RIN2: variants seen among roughly 807,000 people sequenced by gnomAD.
RIN2 encodes Ras and Rab interactor 2.
Under a neutral mutation model 78.0 loss-of-function variants are expected in RIN2, and 36 were observed. The ratio of observed to expected loss-of-function variants is 0.46; its 90% confidence interval spans 0.35 to 0.61. RIN2 has a LOEUF of 0.61. RIN2 is among the 20% of genes least tolerant of loss of function. RIN2 has a pLI of 0.00. For synonymous variants in RIN2, 466 were observed against 466.8 expected (o/e 1.00, Z 0.02); for missense variants, 1,087 against 1,159.7 (o/e 0.94, Z 0.91).
At chr20:19,916,544 G>A (rs1391033538) in intron 3 of RIN2, among the ~76,000 whole-genome samples, 21 of 152,292 alleles carry the variant, frequency 1.4e-4, no homozygotes, top group Middle Eastern at 3.4e-3. Context: ...GCTTTAGCCT[G>A]GGAGCTCAAG....
At chr20:19,774,957 A>C (rs1179368460) in intron 1 of RIN2, among the ~76,000 whole-genome samples, 2 of 152,206 alleles carry the variant, frequency 1.3e-5, no homozygotes, top group Non-Finnish European at 2.9e-5. Flanking sequence ...AGGAGAGCAG[A>C]AGAGTCAAGG....
intron 2 of RIN2, among the ~76,000 whole-genome samples, chr20:19,872,751 TA>T (rs1329352259): frequency 6.6e-6 from 1 of 152,172 alleles, no homozygotes; most frequent in East Asian, 1.9e-4. Context: ...GAAAACTTTT[TA>T]AAAACTACAT....
intron 9 of RIN2, among the ~76,000 whole-genome samples, chr20:19,978,727 C>T (rs1007889951): frequency 1.3e-5 from 2 of 152,198 alleles, no homozygotes; most frequent in Non-Finnish European, 2.9e-5. Flanking sequence ...GACACGGGCT[C>T]GTTCCTGTGT....
In RIN2 at chr20:19,975,319, A is replaced by C; in HGVS notation, c.1294A>C (p.Met432Leu). The change falls in exon 9 of 13, where the codon ATG (methionine) becomes CTG (leucine). Residue 432 changes from methionine to leucine, a missense_variant. Met to Leu is a conservative substitution (Grantham distance 15, BLOSUM62 2). Coordinates refer to ENST00000255006, the MANE Select transcript of RIN2 (RefSeq NM_018993.4). This position sits in a 1 kb window ranked among gnomAD's most constrained non-coding sequence, Gnocchi z 4.9. ...TGGAGGCCGGCAGCGGCTGAGCGAC[A>C]TGAGCATTTCTACTTCCTCCTCCGA... ...CHGGRQRLSD[M>L]SISTSSSDSL... 6.2e-7 allele frequency: 1 copy of C among 1,610,166 alleles called. No individual in the cohort carries two copies. Among genetic ancestry groups the C allele is most frequent in the Non-Finnish European group, 8.5e-7 (1 of 1,178,336 alleles).
chr20:19,811,258 T>C (rs1568773769), intron 2 of RIN2, among the ~76,000 whole-genome samples: 1 of 151,986 alleles, frequency 6.6e-6, no homozygotes, highest in Admixed American at 6.6e-5. Context: ...GATGCCACCA[T>C]TGGCAACGGG....
intron 2 of RIN2, among the ~76,000 whole-genome samples, chr20:19,812,455 CA>C (rs575737029): frequency 2.0e-5 from 3 of 152,190 alleles, no homozygotes; most frequent in Non-Finnish European, 4.4e-5. Context: ...CCTTTCCCTA[CA>C]GACTAATGAT....
chr20:19,938,331 G>T (rs184766548), intron 4 of RIN2, among the ~76,000 whole-genome samples: 1 of 151,936 alleles, frequency 6.6e-6, no homozygotes, highest in Admixed American at 6.6e-5. Flanking sequence ...TGATCTTCCC[G>T]CCTCAGCCTC....
intron 11 of RIN2, 59 bp from the exon 12 acceptor site, chr20:19,996,620 G>T: frequency 6.4e-7 from 1 of 1,564,694 alleles, no homozygotes; most frequent in Non-Finnish European, 8.8e-7. Flanking sequence ...GGCATCCCCT[G>T]TTATCACCCG....
At chr20:19,973,127 G>T (rs1461501765) in intron 8 of RIN2, among the ~76,000 whole-genome samples, 1 of 152,114 alleles carries the variant, frequency 6.6e-6, no homozygotes, top group East Asian at 1.9e-4. Flanking sequence ...CAGTTAAAAA[G>T]GTAGATTCTC....
intron 2 of RIN2, among the ~76,000 whole-genome samples, chr20:19,861,749 T>A (rs1372333931): frequency 6.6e-6 from 1 of 151,640 alleles, no homozygotes; most frequent in Non-Finnish European, 1.5e-5. Flanking sequence ...CCATATCCGA[T>A]GATCACCCTC....
chr20:19,788,334 C>T (rs1271206002), intron 1 of RIN2, among the ~76,000 whole-genome samples: 1 of 151,296 alleles, frequency 6.6e-6, no homozygotes, highest in Non-Finnish European at 1.5e-5. Flanking sequence ...TTGCCTCATG[C>T]CTGTAATCCC....
Position 19,964,978 on chromosome 20 carries a change from A to G in RIN2, c.490A>G (p.Ser164Gly). 6.2e-7 allele frequency: 1 copy of G among 1,613,648 alleles called. No individual in the cohort carries two copies. Among genetic ancestry groups the G allele is most frequent in the Non-Finnish European group, 8.5e-7 (1 of 1,179,790 alleles). ...YTFSLEGSGI[S>G]FADLFRLIAF... The stretch of plus-strand genomic sequence containing the variant: ...CTTTTCCCTGGAAGGCTCAGGAATC[A>G]GTTTCGCAGATTTATTCCGGCTCAT... Residue 164 changes from serine to glycine, a missense_variant, in exon 7 of 13, where the codon AGT becomes GGT. This residue lies in a region of RIN2 where 706 missense variants were observed against 667.5 expected (regional missense o/e 1.06). Transcript: ENST00000255006.
At chr20:19,785,059 C>G (rs887503199) in intron 1 of RIN2, among the ~76,000 whole-genome samples, 1 of 152,182 alleles carries the variant, frequency 6.6e-6, no homozygotes, top group African/African-American at 2.4e-5. Context: ...ACACTTCACT[C>G]TATCAACGGT....
At chr20:19,954,716 TCCCTCACCCCTGTGC>T (rs869170487) in intron 4 of RIN2, among the ~76,000 whole-genome samples, 2 of 94,548 alleles carry the variant, frequency 2.1e-5, no homozygotes, top group African/African-American at 8.6e-5. Flanking sequence ...CACCCCTGTG[TCCCTCACCCCTGTGC>T]CCCTCACCCC....
chr20:19,799,300 G>A (rs1178917299), intron 1 of RIN2, among the ~76,000 whole-genome samples: 1 of 152,204 alleles, frequency 6.6e-6, no homozygotes, highest in East Asian at 1.9e-4. Context: ...CAAGGGATAA[G>A]GGAAGGAAAT....
chr20:19,830,638 C>T (rs2036224456), intron 2 of RIN2, among the ~76,000 whole-genome samples: 1 of 152,234 alleles, frequency 6.6e-6, no homozygotes, highest in East Asian at 1.9e-4. Context: ...GAACAACTGC[C>T]ACATGATGTG....
chr20:19,985,957 T>C (rs941067802), intron 9 of RIN2, among the ~76,000 whole-genome samples: 6 of 152,234 alleles, frequency 3.9e-5, no homozygotes, highest in African/African-American at 1.4e-4. Context: ...TAGGCCTCCC[T>C]GGATGGAGTT....
chr20:19,974,954 G>GC lies in RIN2; in HGVS notation c.929_930insC (p.Arg310SerfsTer8). ...GAGCGGACTCGGTCCCCCCCACCCA[G>GC]GCCCCCGCCACCCGCTATTAATAGT... On this transcript the variant is annotated frameshift_variant, in exon 9 of 13. Coordinates refer to ENST00000255006, the MANE Select transcript of RIN2 (RefSeq NM_018993.4). LOFTEE classifies it high-confidence loss of function. The GC allele has an allele frequency of 1.3e-6, 1 of 791,888 alleles. No homozygotes were observed. The allele number at this position is 791,888 out of a possible 1,614,324, so 49.1% of individuals were successfully genotyped here. A position where few individuals can be genotyped will look rare whatever the true frequency, so the allele number is the denominator to read the frequency against.
intron 2 of RIN2, among the ~76,000 whole-genome samples, chr20:19,807,332 A>C (rs34201271): frequency 0.11 from 16,484 of 152,176 alleles, 969 homozygotes; most frequent in South Asian, 0.19. Context: ...CCTCTATCTT[A>C]TGCCAAATTG....
Sources: allele counts gnomAD v4.1 joint callset (sites outside exome capture counted in the v4.1 genomes callset), GRCh38; gene constraint gnomAD v4.1.1; regional missense constraint gnomAD v4.1.1; non-coding constraint Gnocchi (gnomAD v3.1); transcripts MANE v1.5; gene names NCBI Gene and HGNC (gene_info 2026-07-23, HGNC 2026-07-21).